AGMO: variants seen among roughly 807,000 people sequenced by gnomAD.
The protein encoded by AGMO is glyceryl-ether monooxygenase.
A neutral mutation model predicts 60.2 loss-of-function variants in AGMO; 75 were observed. That is an observed-to-expected ratio of 1.25 (90% CI 1.03 to 1.51). AGMO has a LOEUF of 1.51. AGMO is among the 40% of genes most tolerant of loss of function. The probability of loss-of-function intolerance (pLI) is 0.00; values close to 1 mark genes in which losing one functional copy is unlikely to be tolerated. For synonymous variants in AGMO, 261 were observed against 177.1 expected (o/e 1.47, Z -3.76); for missense variants, 763 against 525.5 (o/e 1.45, Z -4.42).
chr7:15,199,944 T>A (rs888137979), downstream of AGMO, among the ~76,000 whole-genome samples: 2 of 152,164 alleles, frequency 1.3e-5, no homozygotes, highest in East Asian at 1.9e-4. Context: ...TCAGTTCACA[T>A]AGACACCTGC....
intron 12 of AGMO, among the ~76,000 whole-genome samples, chr7:15,289,375 T>TA (rs913863650): frequency 6.6e-6 from 1 of 151,608 alleles, no homozygotes; most frequent in Non-Finnish European, 1.5e-5. Flanking sequence ...GTTTGTTTTC[T>TA]AAAAAAAAGT....
chr7:15,417,480 C>A (rs76925521), intron 5 of AGMO, among the ~76,000 whole-genome samples: 14,640 of 152,090 alleles, frequency 0.096, 844 homozygotes, highest in South Asian at 0.15. Context: ...CTCCCTTAAC[C>A]CCTCCATGTA....
chr7:15,171,700 T>C, the AGMO span, among the ~76,000 whole-genome samples: 2 of 152,256 alleles, frequency 1.3e-5, no homozygotes, highest in African/African-American at 2.4e-5. Flanking sequence ...TCTAGTATTA[T>C]ACCATGTGTG....
At chr7:15,546,592 A>T (rs965927805) in intron 2 of AGMO, among the ~76,000 whole-genome samples, 1 of 152,194 alleles carries the variant, frequency 6.6e-6, no homozygotes, top group Non-Finnish European at 1.5e-5. Flanking sequence ...ATTTTGGGGC[A>T]TGTAGACAGA....
intron 3 of AGMO, among the ~76,000 whole-genome samples, chr7:15,515,810 TC>T (rs1171504267): frequency 6.6e-6 from 1 of 152,226 alleles, no homozygotes; most frequent in Non-Finnish European, 1.5e-5. Context: ...TCAACAGTTT[TC>T]TTTAGCCTGA....
chr7:15,233,799 C>A (rs536019249), intron 12 of AGMO, among the ~76,000 whole-genome samples: 3 of 152,256 alleles, frequency 2.0e-5, no homozygotes, highest in Non-Finnish European at 4.4e-5. Flanking sequence ...CACCTGTAAT[C>A]CCAGCATTTT....
chr7:15,544,479 A>C (rs1784718946), intron 3 of AGMO, among the ~76,000 whole-genome samples: 1 of 152,194 alleles, frequency 6.6e-6, no homozygotes, highest in African/African-American at 2.4e-5. Flanking sequence ...ATTTTCATTA[A>C]AAACCAAATG....
chr7:15,139,820 C>CAAAAAAAAAAAAAAAAAAAA, the AGMO span, among the ~76,000 whole-genome samples: 1 of 66,292 alleles, frequency 1.5e-5, no homozygotes, highest in African/African-American at 3.9e-5. Flanking sequence ...TCTCAAAAGA[C>CAAAAAAAAAAAAAAAAAAAA]AAAAAAAAAA....
At chr7:15,551,976 A>C (rs1562569251) in intron 2 of AGMO, among the ~76,000 whole-genome samples, 1 of 151,996 alleles carries the variant, frequency 6.6e-6, no homozygotes, top group African/African-American at 2.4e-5. Flanking sequence ...ACAGAGATAT[A>C]GATCAATGGA....
the AGMO span, among the ~76,000 whole-genome samples, chr7:15,188,197 C>A: frequency 2.0e-5 from 3 of 152,116 alleles, no homozygotes; most frequent in African/African-American, 7.2e-5. Context: ...CTTTCTGAAG[C>A]CCCAGTTGCC....
chr7:15,463,022 C>T (rs73064241), intron 3 of AGMO, among the ~76,000 whole-genome samples: 3,994 of 152,232 alleles, frequency 0.026, 70 homozygotes, highest in South Asian at 0.043. Context: ...TGGATGGAAA[C>T]ATCTGGGGTA....
chr7:15,531,764 G>A (rs868009522), intron 3 of AGMO, among the ~76,000 whole-genome samples: 12 of 150,014 alleles, frequency 8.0e-5, no homozygotes, highest in East Asian at 2.0e-4. Flanking sequence ...CTGTTCAAGC[G>A]ATTCTCATAC....
the AGMO span, among the ~76,000 whole-genome samples, chr7:15,166,117 T>TAA: frequency 6.6e-6 from 1 of 152,098 alleles, no homozygotes; most frequent in African/African-American, 2.4e-5. Flanking sequence ...GTAATAAACA[T>TAA]AATAAATAAG....
At chr7:15,349,784 CAAGTG>C (rs1210366180) in intron 12 of AGMO, among the ~76,000 whole-genome samples, 1 of 152,038 alleles carries the variant, frequency 6.6e-6, no homozygotes, top group Non-Finnish European at 1.5e-5. Context: ...GAATGGGTGT[CAAGTG>C]AAGTGGGGAA....
At chr7:15,194,642 C>A in the AGMO span, among the ~76,000 whole-genome samples, 1 of 152,102 alleles carries the variant, frequency 6.6e-6, no homozygotes, top group African/African-American at 2.4e-5. Flanking sequence ...ACATTTTATG[C>A]AAATTATATG....
the AGMO span, among the ~76,000 whole-genome samples, chr7:15,131,019 T>C: frequency 2.6e-5 from 4 of 152,106 alleles, no homozygotes; most frequent in Non-Finnish European, 4.4e-5. Context: ...TGCCAATAGC[T>C]ATATCATTCT....
downstream of AGMO, among the ~76,000 whole-genome samples, chr7:15,198,241 GAGAGAGAGAGAGAGACAGAGAC>G (rs1781180489): frequency 6.0e-5 from 6 of 99,876 alleles, no homozygotes; most frequent in African/African-American, 1.1e-4. Flanking sequence ...GAGAGAGAGA[GAGAGAGAGAGAGAGACAGAGAC>G]AGAGAGAGAG....
intron 12 of AGMO, among the ~76,000 whole-genome samples, chr7:15,260,853 C>A (rs1783246516): frequency 6.6e-6 from 1 of 151,892 alleles, no homozygotes; most frequent in Non-Finnish European, 1.5e-5. Context: ...GAAATCAACT[C>A]CAAAAGGAAC....
At chr7:15,497,785 T>C (rs1220502666) in intron 3 of AGMO, among the ~76,000 whole-genome samples, 1 of 152,068 alleles carries the variant, frequency 6.6e-6, no homozygotes, top group Non-Finnish European at 1.5e-5. Flanking sequence ...AAAATCAACA[T>C]AAAAAAGCAT....
Sources: allele counts gnomAD v4.1 joint callset (sites outside exome capture counted in the v4.1 genomes callset), GRCh38; gene constraint gnomAD v4.1.1; transcripts MANE v1.5; gene names NCBI Gene and HGNC (gene_info 2026-07-23, HGNC 2026-07-21).